The following PLCG2 variants were observed in gnomAD, a reference collection of about 807,000 sequenced individuals.
PLCG2 encodes the protein 1-phosphatidylinositol 4,5-bisphosphate phosphodiesterase gamma-2.
Under a neutral mutation model 175.6 loss-of-function variants are expected in PLCG2, and 69 were observed. That is an observed-to-expected ratio of 0.39 (90% CI 0.32 to 0.48). The LOEUF (loss-of-function observed/expected upper bound fraction) is 0.48, where lower values mean the gene tolerates loss of function less well. Ranked by LOEUF, PLCG2 falls within the 20% of genes least tolerant of loss-of-function variation. The pLI is 0.91. For synonymous variants in PLCG2, 827 were observed against 624.0 expected (o/e 1.33, Z -4.85); for missense variants, 1,798 against 1,650.9 (o/e 1.09, Z -1.54).
chr16:81,830,677 T>C (rs1201799160), intron 2 of PLCG2, among the ~76,000 whole-genome samples: 2 of 151,544 alleles, frequency 1.3e-5, no homozygotes, highest in East Asian at 1.9e-4. Context: ...TATATATATA[T>C]ATACACACAT....
intron 30 of PLCG2, among the ~76,000 whole-genome samples, chr16:81,941,562 G>A (rs985556644): frequency 1.6e-3 from 227 of 139,820 alleles, no homozygotes; most frequent in African/African-American, 6.4e-3. Flanking sequence ...TAAAGTTTCT[G>A]ATTTTTTTTT....
At chr16:81,919,360 C>T in intron 19 of PLCG2, 124 bp from the exon 20 acceptor site, 3 of 686,544 alleles carry the variant, frequency 4.4e-6, no homozygotes, top group Admixed American at 2.4e-5. Context: ...AGGACTATAC[C>T]CTGTTTATTT....
At chr16:81,846,394 C>G (rs928664301) in intron 2 of PLCG2, among the ~76,000 whole-genome samples, 1 of 152,194 alleles carries the variant, frequency 6.6e-6, no homozygotes. Flanking sequence ...CACTCCTGCA[C>G]TCTCCCAGTA....
rs867496948 is a variant in PLCG2, at chr16:81,805,773, T to G, written c.193+19591T>G. On this transcript the variant is annotated intron_variant, in intron 2 of 32. Coordinates refer to ENST00000564138, the MANE Select transcript of PLCG2 (RefSeq NM_002661.5). ...GAGAGTAGTGTTTTGTTTTGTTTTT[T>G]TTTTTTTTTGTTTTTTTTTTTTTTT... 6.3e-3 allele frequency among the ~76,000 whole-genome samples: 636 copies of G among 100,900 alleles called. 2 individuals carry two copies. The highest frequency in any genetic ancestry group is 0.022 in the South Asian group (70 of 3,118). 66.2% of individuals were successfully genotyped at this position (100,900 alleles called of 152,430 possible).
In PLCG2 at chr16:81,919,626, T is replaced by C. The variant is rs1412800025; in HGVS notation, c.2197T>C (p.Tyr733His). The change falls in exon 20 of 33, where the codon TAC becomes CAC. Residue 733 changes from tyrosine (Y) to histidine (H), a missense_variant. Transcript: ENST00000564138. ...HSLYRKMRLR[Y>H]PVTPELLERY... ...ACTCTACCGAAAGATGAGACTGCGC[T>C]ACCCCGTGACCCCCGAGCTCCTGGA... 6.2e-7 allele frequency: 1 copy of C among 1,614,122 alleles called. No homozygotes were observed. The highest frequency in any genetic ancestry group is 8.5e-7 in the Non-Finnish European group (1 of 1,179,990).
intron 7 of PLCG2, among the ~76,000 whole-genome samples, chr16:81,873,415 C>T (rs750671261): frequency 3.9e-5 from 6 of 152,180 alleles, no homozygotes; most frequent in Non-Finnish European, 8.8e-5. Flanking sequence ...TGACGTGTGT[C>T]ATTGAACATA....
At chr16:81,871,881 T>C (rs2143535874) in intron 7 of PLCG2, among the ~76,000 whole-genome samples, 1 of 152,202 alleles carries the variant, frequency 6.6e-6, no homozygotes, top group Admixed American at 6.5e-5. Context: ...GCTGGGTAAA[T>C]TATGGTCTAT....
chr16:81,955,250 GA>G (rs532699993), intron 31 of PLCG2, among the ~76,000 whole-genome samples: 94 of 152,256 alleles, frequency 6.2e-4, no homozygotes, highest in African/African-American at 2.1e-3. Context: ...ATTAAAGGAG[GA>G]AAAAACCTTG....
Position 81,871,941 on chromosome 16 carries a change from C to G in PLCG2, c.648+1006C>G, listed in dbSNP as rs185764208. ...TGATTAAGAAGCATGTGTCAGTTCT[C>G]TTTCCATTAATCTGAGATGATATTT... On this transcript the variant is annotated intron_variant, in intron 7 of 32. Transcript: ENST00000564138. Among the ~76,000 whole-genome samples, 8 of 152,288 alleles carry G rather than the reference C, an allele frequency of 5.3e-5. No homozygotes were observed. The East Asian group carries it at 1.5e-3, about 29-fold the overall frequency.
At chr16:81,837,310 G>T (rs1480538953) in intron 2 of PLCG2, among the ~76,000 whole-genome samples, 1 of 152,238 alleles carries the variant, frequency 6.6e-6, no homozygotes, top group Non-Finnish European at 1.5e-5. Context: ...GACATTCCTA[G>T]GAATTGTGGT....
At chr16:81,771,053 A>G (rs1306139521) in intron 2 of PLCG2, among the ~76,000 whole-genome samples, 4 of 41,230 alleles carry the variant, frequency 9.7e-5, no homozygotes, top group Non-Finnish European at 2.6e-4. Flanking sequence ...GCGAGACTCC[A>G]TCTCAAAAAA....
At chr16:81,825,483 C>T (rs1399432717) in intron 2 of PLCG2, among the ~76,000 whole-genome samples, 2 of 151,922 alleles carry the variant, frequency 1.3e-5, no homozygotes, top group East Asian at 3.9e-4. Flanking sequence ...TTAGTAGAGA[C>T]AGGGTTTCAC....
chr16:81,812,583 G>C (rs959250147), intron 2 of PLCG2, among the ~76,000 whole-genome samples: 2 of 152,076 alleles, frequency 1.3e-5, no homozygotes, highest in Non-Finnish European at 2.9e-5. Flanking sequence ...CTGGATATTA[G>C]CCATTTGTCA....
intron 10 of PLCG2, 95 bp from the exon 11 acceptor site, chr16:81,891,377 C>A (rs894814725): frequency 2.5e-5 from 19 of 767,282 alleles, no homozygotes; most frequent in Admixed American, 7.1e-5. Context: ...CGCATCAGAG[C>A]TGTTCTTCCC....
upstream of PLCG2, among the ~76,000 whole-genome samples, chr16:81,774,318 C>G (rs1910350504): frequency 6.6e-6 from 1 of 151,872 alleles, no homozygotes; most frequent in Non-Finnish European, 1.5e-5. Context: ...CCACTGCACT[C>G]CAGCCTGGGC....
At position 81,928,632 on chromosome 16, in the gene PLCG2, C is replaced by T. The variant is rs1910376596; in HGVS notation, c.2581+8C>T. The T allele has an allele frequency of 6.3e-7, 1 of 1,577,858 alleles. No individual in the cohort carries two copies. The highest frequency in any genetic ancestry group is 8.7e-7 in the Non-Finnish European group (1 of 1,146,940). On this transcript the variant is annotated splice_region_variant and intron_variant, in intron 24 of 32. Transcript: ENST00000564138. ...TCAATACCTATAACGTCGGTACGTG[C>T]ACACATCATCTTAGCCTGGATTTCC...
rs4889430 is a variant in PLCG2 at position 81,893,612 on chromosome 16, G to C, written c.987-97G>C. ...AAGAACTCAGAGCTTTGGCGGCTCG[G>C]GCGGAGAAGTTCCCCCACAACACCC... On this transcript the variant is annotated intron_variant, in intron 11 of 32. Transcript: ENST00000564138. 0.17 allele frequency: 125,211 copies of C among 740,660 alleles called. 11,961 individuals carry two copies. The highest frequency in any genetic ancestry group is 0.27 in the South Asian group (18,606 of 68,618). The allele number at this position is 740,660 out of a possible 1,614,324, so 45.9% of individuals were successfully genotyped here.
intron 5 of PLCG2, among the ~76,000 whole-genome samples, chr16:81,861,973 C>G (rs954940304): frequency 1.3e-5 from 2 of 152,230 alleles, no homozygotes; most frequent in African/African-American, 2.4e-5. Context: ...GCTTCCTCTC[C>G]TCTACCTCCC....
chr16:81,937,637 A>C (rs1910768756), intron 27 of PLCG2, 121 bp from the exon 28 acceptor site: 2 of 811,704 alleles, frequency 2.5e-6, no homozygotes, highest in South Asian at 3.7e-5. Context: ...TACCTATTTG[A>C]ACAGCTGCCT....
Sources: gnomAD v4.1 joint callset for allele counts (sites outside exome capture counted in the v4.1 genomes callset) on GRCh38, gnomAD v4.1.1 for gene constraint, MANE v1.5 for transcripts, NCBI Gene and HGNC (gene_info 2026-07-23, HGNC 2026-07-21) for gene names.